CIMIP6: variants seen among roughly 807,000 people sequenced by gnomAD.
The protein encoded by CIMIP6 is uncharacterized protein C2orf73.
the CIMIP6 span, among the ~76,000 whole-genome samples, chr2:54,374,501 A>G: frequency 1.6e-4 from 25 of 152,344 alleles, no homozygotes; most frequent in Admixed American, 8.5e-4. Flanking sequence ...TTTTAAGTAA[A>G]GGTAAAATAA....
the CIMIP6 span, among the ~76,000 whole-genome samples, chr2:54,365,593 C>T: frequency 1.3e-5 from 2 of 152,172 alleles, no homozygotes; most frequent in African/African-American, 4.8e-5. Flanking sequence ...GATATGCTGG[C>T]TCTGCCTTTG....
At chr2:54,335,585 AACCAC>A in the CIMIP6 span, among the ~76,000 whole-genome samples, 2 of 152,364 alleles carry the variant, frequency 1.3e-5, no homozygotes, top group East Asian at 3.9e-4. Flanking sequence ...GGTTTAGCCA[AACCAC>A]ACTTCACTGA....
At chr2:54,367,674 C>T in the CIMIP6 span, among the ~76,000 whole-genome samples, 1 of 151,970 alleles carries the variant, frequency 6.6e-6, no homozygotes, top group South Asian at 2.1e-4. Flanking sequence ...CCCTTTCCAC[C>T]ACAGAACTTC....
the CIMIP6 span, among the ~76,000 whole-genome samples, chr2:54,351,078 A>T: frequency 6.6e-6 from 1 of 152,220 alleles, no homozygotes; most frequent in Non-Finnish European, 1.5e-5. Flanking sequence ...TCAAGTCTTT[A>T]ATTTTTAAAT....
At chr2:54,368,273 A>G in the CIMIP6 span, among the ~76,000 whole-genome samples, 7 of 151,966 alleles carry the variant, frequency 4.6e-5, 2 homozygotes, top group Admixed American at 4.6e-4. Flanking sequence ...ACATCAGTCA[A>G]TAAAGTTAAA....
chr2:54,381,858 GA>G, the CIMIP6 span: 2 of 1,541,094 alleles, frequency 1.3e-6, no homozygotes, highest in African/African-American at 1.4e-5. Flanking sequence ...GAAACCTTGA[GA>G]AAAGGAGCCA....
chr2:54,349,853 T>C, the CIMIP6 span, among the ~76,000 whole-genome samples: 2 of 151,012 alleles, frequency 1.3e-5, no homozygotes, highest in Non-Finnish European at 3.0e-5. Context: ...AGAAATCTTT[T>C]TTTTTTTTTT....
At chr2:54,368,473 G>A in the CIMIP6 span, among the ~76,000 whole-genome samples, 85 of 152,354 alleles carry the variant, frequency 5.6e-4, 1 homozygote, top group African/African-American at 1.9e-3. Flanking sequence ...GCATGCCTAT[G>A]CAATAAAGGA....
chr2:54,334,768 A>C, the CIMIP6 span: 4 of 1,259,916 alleles, frequency 3.2e-6, no homozygotes, highest in Non-Finnish European at 4.4e-6. Flanking sequence ...TTTTGACTCA[A>C]TATTTTAATG....
the CIMIP6 span, among the ~76,000 whole-genome samples, chr2:54,380,122 C>G: frequency 6.6e-5 from 10 of 151,990 alleles, no homozygotes; most frequent in African/African-American, 2.2e-4. Flanking sequence ...CCAGCTTAGG[C>G]AGCAGAGCAA....
the CIMIP6 span, among the ~76,000 whole-genome samples, chr2:54,378,848 T>C: frequency 1.3e-5 from 2 of 152,200 alleles, no homozygotes; most frequent in East Asian, 3.9e-4. Flanking sequence ...CTGTAGACCT[T>C]GTTATCTCTA....
chr2:54,342,966 A>G, the CIMIP6 span, among the ~76,000 whole-genome samples: 2 of 152,302 alleles, frequency 1.3e-5, no homozygotes, highest in Admixed American at 6.5e-5. Context: ...TCAACTTCCA[A>G]GAAATCAAAT....
At chr2:54,343,768 C>T in the CIMIP6 span, 120 of 1,612,660 alleles carry the variant, frequency 7.4e-5, 1 homozygote, top group African/African-American at 1.3e-3. Flanking sequence ...CTTCCTACCA[C>T]CTTACGACTC....
the CIMIP6 span, among the ~76,000 whole-genome samples, chr2:54,369,033 A>G: frequency 1.3e-5 from 2 of 151,984 alleles, no homozygotes; most frequent in Middle Eastern, 3.2e-3. Context: ...GGTCTTGGGG[A>G]CCTCACGCTT....
chr2:54,379,325 T>G, the CIMIP6 span, among the ~76,000 whole-genome samples: 1 of 152,244 alleles, frequency 6.6e-6, no homozygotes, highest in Non-Finnish European at 1.5e-5. Context: ...ATTTCACATT[T>G]TATCCTTTGG....
At chr2:54,341,730 C>T in the CIMIP6 span, among the ~76,000 whole-genome samples, 3 of 152,112 alleles carry the variant, frequency 2.0e-5, no homozygotes, top group East Asian at 1.9e-4. Flanking sequence ...GCAGTTTTCT[C>T]ATCTGTAAAG....
At chr2:54,348,745 C>A in the CIMIP6 span, among the ~76,000 whole-genome samples, 1 of 152,180 alleles carries the variant, frequency 6.6e-6, no homozygotes, top group Non-Finnish European at 1.5e-5. Flanking sequence ...CATAAACATG[C>A]ACTAATATGT....
chr2:54,346,912 C>T, the CIMIP6 span, among the ~76,000 whole-genome samples: 4 of 152,210 alleles, frequency 2.6e-5, no homozygotes, highest in East Asian at 1.9e-4. Context: ...ATGGCCTACA[C>T]GGCCCTTTTT....
At chr2:54,345,391 C>T in the CIMIP6 span, among the ~76,000 whole-genome samples, 150 of 152,282 alleles carry the variant, frequency 9.9e-4, no homozygotes, top group African/African-American at 3.5e-3. Context: ...TTTCCCCTCA[C>T]CTCAAATTCC....
Sources: allele counts gnomAD v4.1 joint callset (sites outside exome capture counted in the v4.1 genomes callset), GRCh38; gene constraint gnomAD v4.1.1; transcripts MANE v1.5; gene names NCBI Gene and HGNC (gene_info 2026-07-23, HGNC 2026-07-21).